ANKRD11: variants seen among roughly 807,000 people sequenced by gnomAD.
ANKRD11 encodes ankyrin repeat domain-containing protein 11.
A neutral mutation model predicts 195.7 loss-of-function variants in ANKRD11; 17 were observed. The observed-to-expected ratio is 0.09, with a 90% CI of 0.06 to 0.13. The LOEUF (loss-of-function observed/expected upper bound fraction) is 0.13, where lower values mean the gene tolerates loss of function less well. ANKRD11 is among the 10% of genes least tolerant of loss of function. ANKRD11 has a pLI of 1.00. For missense variants in ANKRD11, 3,735 were observed against 3,566.1 expected (o/e 1.05, Z -1.21); for synonymous variants, 1,953 against 1,528.1 (o/e 1.28, Z -6.49).
At chr16:89,417,150 G>GA (rs2042343257) in intron 2 of ANKRD11, among the ~76,000 whole-genome samples, 1 of 152,188 alleles carries the variant, frequency 6.6e-6, no homozygotes, top group African/African-American at 2.4e-5. Context: ...TCAGTCATAT[G>GA]AAAGAAAGCA....
chr16:89,384,946 C>T (rs1477556617), intron 2 of ANKRD11, among the ~76,000 whole-genome samples: 1 of 122,712 alleles, frequency 8.1e-6, no homozygotes, highest in Non-Finnish European at 1.6e-5. Flanking sequence ...AGTGCAGTGG[C>T]ACAATCTCAG....
At chr16:89,398,455 T>C (rs34742787) in intron 2 of ANKRD11, among the ~76,000 whole-genome samples, 36,915 of 87,568 alleles carry the variant, frequency 0.42, 13,804 homozygotes, top group Middle Eastern at 0.7. Context: ...CAGCTGAAGA[T>C]TACCTGTAAC....
intron 4 of ANKRD11, among the ~76,000 whole-genome samples, chr16:89,303,133 G>A (rs1188271536): frequency 6.6e-6 from 1 of 152,142 alleles, no homozygotes; most frequent in Non-Finnish European, 1.5e-5. Context: ...TTACCAAGTG[G>A]GATCATTCTC....
chr16:89,427,716 T>C (rs917783093), intron 1 of ANKRD11, among the ~76,000 whole-genome samples: 1 of 151,926 alleles, frequency 6.6e-6, no homozygotes, highest in African/African-American at 2.4e-5. Flanking sequence ...GGAGAACTGC[T>C]TGAACCCAGG....
intron 1 of ANKRD11, among the ~76,000 whole-genome samples, chr16:89,487,127 A>C (rs1327412414): frequency 6.6e-6 from 1 of 152,226 alleles, no homozygotes; most frequent in African/African-American, 2.4e-5. Flanking sequence ...AAAGTTTATC[A>C]AACGGGCCAC....
intron 2 of ANKRD11, among the ~76,000 whole-genome samples, chr16:89,334,928 C>T (rs2038269086): frequency 6.6e-6 from 1 of 152,070 alleles, no homozygotes; most frequent in Non-Finnish European, 1.5e-5. Context: ...CCCCATGGTG[C>T]TGGGGGCCAG....
chr16:89,326,701 C>G (rs553531560), intron 2 of ANKRD11, among the ~76,000 whole-genome samples: 1 of 152,260 alleles, frequency 6.6e-6, no homozygotes, highest in Admixed American at 6.5e-5. Flanking sequence ...AAGATTGCAC[C>G]ACTGCACTCC....
In ANKRD11 at chr16:89,283,302, G is replaced by A. The variant is rs749218033; in HGVS notation, c.3240C>T (p.Leu1080=). ...HGKDKERKAS[L]DQGKEKKEKA... is the part of the protein sequence containing the mutation. Reference sequence around the variant, plus strand: ...TCTCCTTCTTCTCTTTCCCTTGGTCGAGAGACGCTTTCCTTTCTTTGTCTT... The same window carrying A: ...TCTCCTTCTTCTCTTTCCCTTGGTCAAGAGACGCTTTCCTTTCTTTGTCTT... The change falls in exon 9 of 13, where the codon CTC becomes CTT. Residue 1080 remains leucine, a synonymous_variant. Transcript: ENST00000301030. The surrounding 1 kb of genome is among the most constrained non-coding windows in gnomAD (Gnocchi z 4.3). 2.6e-5 allele frequency: 42 copies of A among 1,613,888 alleles called. No individual in the cohort carries two copies. The Admixed American group carries it at 3.2e-4, about 12-fold the overall frequency.
intron 1 of ANKRD11, among the ~76,000 whole-genome samples, chr16:89,462,049 CCTCTCCCTCTCCCT>C (rs200759441): frequency 0.49 from 68,372 of 138,574 alleles, 17,469 homozygotes; most frequent in Middle Eastern, 0.67. Context: ...TCCCTCTCCC[CCTCTCCCTCTCCCT>C]CTCTCCCTCT....
In ANKRD11 at chr16:89,279,283, T is replaced by C. The variant is rs1478739115; in HGVS notation, c.7259A>G (p.Asp2420Gly). 3 of 1,611,624 alleles carry C rather than the reference T, an allele frequency of 1.9e-6. No homozygotes were observed. The highest frequency in any genetic ancestry group is 2.5e-6 in the Non-Finnish European group (3 of 1,179,692). The change falls in exon 9 of 13, where the codon GAC becomes GGC. Residue 2420 changes from aspartate (D) to glycine (G), a missense_variant. By Grantham distance (94) the Asp-to-Gly change is moderately conservative. Coordinates refer to ENST00000301030, the MANE Select transcript of ANKRD11 (RefSeq NM_013275.6). The surrounding 1 kb of genome is among the most constrained non-coding windows in gnomAD (Gnocchi z 5.6). ...VIQQTLAAIV[D>G]AIKLDAIEPY... ...CTCGATGGCATCCAGCTTGATGGCGTCCACGATGGCGGCCAGCGTCTGCTG... is the reference window on the plus strand; with the variant it reads ...CTCGATGGCATCCAGCTTGATGGCGCCCACGATGGCGGCCAGCGTCTGCTG...
At chr16:89,438,032 A>G (rs2043287916) in intron 1 of ANKRD11, among the ~76,000 whole-genome samples, 1 of 152,350 alleles carries the variant, frequency 6.6e-6, no homozygotes, top group East Asian at 1.9e-4. Context: ...AACACCAGGC[A>G]GAGTCCACCA....
intron 2 of ANKRD11, among the ~76,000 whole-genome samples, chr16:89,353,149 C>T (rs2039299878): frequency 6.6e-6 from 1 of 152,078 alleles, no homozygotes; most frequent in African/African-American, 2.4e-5. Context: ...CAAGACCAGC[C>T]TGGCCAATAT....
At chr16:89,287,563 C>T (rs370698729) in intron 7 of ANKRD11, 2 of 168,942 alleles carry the variant, frequency 1.2e-5, no homozygotes, top group Admixed American at 5.6e-5. Context: ...CAGCACTGAG[C>T]GAATCCCAGA....
chr16:89,466,583 A>G (rs1398839742), intron 1 of ANKRD11, among the ~76,000 whole-genome samples: 1 of 152,212 alleles, frequency 6.6e-6, no homozygotes, highest in African/African-American at 2.4e-5. Context: ...CTAGGCAAAG[A>G]AGGAAAAAAT....
At chr16:89,268,839 G>A (rs1261620001) in intron 12 of ANKRD11, among the ~76,000 whole-genome samples, 176 bp from the exon 13 acceptor site, 3 of 152,244 alleles carry the variant, frequency 2.0e-5, no homozygotes, top group South Asian at 2.1e-4. Context: ...TGGCGGTAGC[G>A]CCAGCTGTGC....
rs190519257 is a variant in ANKRD11, at chr16:89,345,684, C to A, written c.-59-28606G>T. ...GTCAGATTGGAATGGAAAAAGTAAT[C>A]CAGCTGGCTCAGCACGAGCTGAGTG... is the stretch of plus-strand genomic sequence containing the variant. On this transcript the variant is annotated intron_variant, in intron 2 of 12. Coordinates refer to ENST00000301030, the MANE Select transcript of ANKRD11 (RefSeq NM_013275.6). Among the ~76,000 whole-genome samples, 7 of 152,296 alleles carry A rather than the reference C, an allele frequency of 4.6e-5. No individual in the cohort carries two copies. In the East Asian group the frequency reaches 1.3e-3, roughly 29 times the overall value.
chr16:89,346,599 A>G (rs762820909), intron 2 of ANKRD11, among the ~76,000 whole-genome samples: 4 of 152,184 alleles, frequency 2.6e-5, no homozygotes, highest in Non-Finnish European at 5.9e-5. Context: ...ACCAGAAAAC[A>G]CAGCCTTCAA....
intron 4 of ANKRD11, among the ~76,000 whole-genome samples, chr16:89,297,205 A>T (rs1232558599): frequency 6.6e-6 from 1 of 152,224 alleles, no homozygotes; most frequent in Non-Finnish European, 1.5e-5. Context: ...TTCTAGCAAG[A>T]GTCTTTTAGG....
chr16:89,341,984 T>TCCA (rs1300009679), intron 2 of ANKRD11, among the ~76,000 whole-genome samples: 3 of 145,228 alleles, frequency 2.1e-5, no homozygotes, highest in African/African-American at 7.9e-5. Flanking sequence ...GTGCTGCACC[T>TCCA]CCACCCACAG....
Sources: allele counts gnomAD v4.1 joint callset (sites outside exome capture counted in the v4.1 genomes callset), GRCh38; gene constraint gnomAD v4.1.1; non-coding constraint Gnocchi (gnomAD v3.1); transcripts MANE v1.5; gene names NCBI Gene and HGNC (gene_info 2026-07-23, HGNC 2026-07-21).